HOOK1: variants seen among roughly 807,000 people sequenced by gnomAD.
HOOK1 encodes the protein hook microtubule tethering protein 1.
HOOK1 carries 60 observed loss-of-function variants against 112.8 expected under a neutral mutation model. That is an observed-to-expected ratio of 0.53 (90% CI 0.43 to 0.66). The LOEUF (loss-of-function observed/expected upper bound fraction) is 0.66. HOOK1 is among the 30% of genes least tolerant of loss of function. The pLI is 0.00. For missense variants in HOOK1, 770 were observed against 856.0 expected (o/e 0.90, Z 1.25); for synonymous variants, 294 against 283.8 (o/e 1.04, Z -0.36).
At position 59,873,765 on chromosome 1, in the gene HOOK1, A is replaced by ATATATATATG. The variant is rs1553465916; in HGVS notation, c.*800_*801insTATATATATG. The ATATATATATG allele has an allele frequency of 1.6e-5, 2 of 122,992 alleles. No homozygotes were observed. The highest frequency in any genetic ancestry group is 3.5e-5 in the Non-Finnish European group (2 of 57,162). The allele number at this position is 122,992 out of a possible 1,614,324, so 7.6% of individuals were successfully genotyped here. A position where few individuals can be genotyped will look rare whatever the true frequency, so the allele number is the denominator to read the frequency against. ...TATATATATATATATATATATATATACTTTTTGTGAAATGTCTATATACTT... is the reference window on the plus strand; with the variant it reads ...TATATATATATATATATATATATATATATATATATGCTTTTTGTGAAATGTCTATATACTT... On this transcript the variant is annotated 3_prime_UTR_variant, in exon 22 of 22. Coordinates refer to ENST00000371208, the MANE Select transcript of HOOK1 (RefSeq NM_015888.6).
intron 7 of HOOK1, among the ~76,000 whole-genome samples, chr1:59,839,175 A>C (rs527612305): frequency 6.6e-6 from 1 of 152,204 alleles, no homozygotes; most frequent in African/African-American, 2.4e-5. Context: ...TGCCTTGGCT[A>C]TGCGGGCTCT....
intron 18 of HOOK1, among the ~76,000 whole-genome samples, chr1:59,865,520 C>T (rs1321921096): frequency 6.6e-6 from 1 of 152,022 alleles, no homozygotes; most frequent in Admixed American, 6.6e-5. Flanking sequence ...GATTTCAAAT[C>T]AGATTGATAT....
intron 1 of HOOK1, among the ~76,000 whole-genome samples, chr1:59,818,787 T>C (rs12120463): frequency 0.23 from 34,361 of 152,102 alleles, 4,095 homozygotes; most frequent in Non-Finnish European, 0.25. Context: ...TCTTAAAACT[T>C]AAAGCAATGG....
rs759197914 is a variant in HOOK1 at position 59,858,399 on chromosome 1, A to C, written c.1243-29A>C. 8 of 1,320,934 alleles carry C rather than the reference A, an allele frequency of 6.1e-6. No individual in the cohort carries two copies. In the East Asian group the frequency reaches 1.8e-4, roughly 30 times the overall value. The allele number at this position is 1,320,934 out of a possible 1,614,324, so 81.8% of individuals were successfully genotyped here. On this transcript the variant is annotated intron_variant, in intron 12 of 21. Transcript: ENST00000371208. ...ACATTGTTTATAGGCAGAATTAAAT[A>C]CTTTGCTGATATCAACAATTCTTTT...
chr1:59,841,515 C>T (rs1477373889), intron 8 of HOOK1, among the ~76,000 whole-genome samples: 1 of 152,144 alleles, frequency 6.6e-6, no homozygotes, highest in Non-Finnish European at 1.5e-5. Context: ...AACCAGTCCT[C>T]TGTATTTGAA....
At chr1:59,871,519 A>T (rs1052500739) in intron 21 of HOOK1, among the ~76,000 whole-genome samples, 1 of 152,184 alleles carries the variant, frequency 6.6e-6, no homozygotes, top group Non-Finnish European at 1.5e-5. Flanking sequence ...AACATCCTCT[A>T]AAGCCTCAGT....
chr1:59,872,797 T>C lies in HOOK1; in HGVS notation c.2019T>C (p.Ser673=). 7.1e-7 allele frequency: 1 copy of C among 1,398,972 alleles called. No individual in the cohort carries two copies. The allele number at this position is 1,398,972 out of a possible 1,614,324, so 86.7% of individuals were successfully genotyped here. Reference sequence around the variant, plus strand: ...AAATATATGTTTTTTTTTTTCAGAGTCTAGCATTCCAGAAACTGGGGATGG... The same window carrying C: ...AAATATATGTTTTTTTTTTTCAGAGCCTAGCATTCCAGAAACTGGGGATGG... ...KLIVSAWYNK[S]LAFQKLGMES... Residue 673 remains serine (S), a splice_region_variant and synonymous_variant, in exon 22 of 22, where the codon AGT becomes AGC. Transcript: ENST00000371208.
chr1:59,824,298 A>G (rs1306167058), intron 2 of HOOK1, among the ~76,000 whole-genome samples: 8 of 151,058 alleles, frequency 5.3e-5, no homozygotes, highest in African/African-American at 2.0e-4. Flanking sequence ...ACCTCCGCCT[A>G]CCGGGTTCAA....
At chr1:59,866,330 C>T (rs1201936386) in intron 19 of HOOK1, among the ~76,000 whole-genome samples, 1 of 152,142 alleles carries the variant, frequency 6.6e-6, no homozygotes, top group Non-Finnish European at 1.5e-5. Context: ...TTTCTAGAAA[C>T]AGCAAAATGG....
intron 6 of HOOK1, among the ~76,000 whole-genome samples, chr1:59,836,474 G>A (rs766823965): frequency 2.0e-5 from 3 of 151,826 alleles, no homozygotes; most frequent in East Asian, 1.9e-4. Context: ...TCATATAATC[G>A]TAACTCCTAC....
chr1:59,830,292 C>G (rs2098392872), intron 3 of HOOK1, among the ~76,000 whole-genome samples: 2 of 151,968 alleles, frequency 1.3e-5, no homozygotes, highest in African/African-American at 4.8e-5. Flanking sequence ...GTAGAGAGCC[C>G]TTAAATCTCT....
intron 12 of HOOK1, among the ~76,000 whole-genome samples, chr1:59,854,457 G>A (rs148238543): frequency 2.6e-4 from 39 of 151,334 alleles, no homozygotes; most frequent in African/African-American, 9.0e-4. Context: ...ACTCCTTTTA[G>A]TATTTTTCTA....
intron 3 of HOOK1, among the ~76,000 whole-genome samples, chr1:59,830,670 C>T (rs1182854108): frequency 1.3e-5 from 2 of 151,940 alleles, no homozygotes; most frequent in African/African-American, 4.8e-5. Context: ...TTGTAAAAAA[C>T]CTTCTATTTC....
At chr1:59,866,000 G>C in intron 19 of HOOK1, 28 bp downstream of exon 19, 1 of 1,264,292 alleles carries the variant, frequency 7.9e-7, no homozygotes, top group African/African-American at 1.5e-5. Flanking sequence ...CGGAGCTCAA[G>C]ACTTTGTGGC....
intron 20 of HOOK1, 110 bp from the exon 21 acceptor site, chr1:59,870,932 A>G: frequency 1.4e-6 from 1 of 718,344 alleles, no homozygotes; most frequent in Non-Finnish European, 2.4e-6. Flanking sequence ...GTGCCTCACA[A>G]GTGCAATCTT....
rs527652327 is a variant in HOOK1 at position 59,840,396 on chromosome 1, G to A, written c.621+5G>A. The A allele has an allele frequency of 3.6e-5, 56 of 1,541,430 alleles. No homozygotes were observed. The Middle Eastern group carries it at 5.2e-4, about 14-fold the overall frequency. The stretch of plus-strand genomic sequence containing the variant: ...TGTGAAGAATTGGATATGCAGGTAC[G>A]GGAAAAAACCCTGAGCTGAGAAAAA... On this transcript the variant is annotated splice_donor_5th_base_variant and intron_variant, in intron 8 of 21. Coordinates refer to ENST00000371208, the MANE Select transcript of HOOK1 (RefSeq NM_015888.6).
intron 19 of HOOK1, among the ~76,000 whole-genome samples, chr1:59,867,619 A>G (rs1643989376): frequency 6.6e-6 from 1 of 152,202 alleles, no homozygotes. Context: ...GTTTTCTAAC[A>G]GATTGCTATC....
intron 19 of HOOK1, 29 bp from the exon 20 acceptor site, chr1:59,868,221 G>C (rs774672776): frequency 1.0e-5 from 12 of 1,150,280 alleles, no homozygotes; most frequent in Non-Finnish European, 1.3e-5. Flanking sequence ...AAAATATAAA[G>C]TGAACATAGT....
chr1:59,815,084 G>C lies in HOOK1; in HGVS notation c.-34G>C. 6.5e-7 allele frequency: 1 copy of C among 1,536,266 alleles called. No homozygotes were observed. The highest frequency in any genetic ancestry group is 8.7e-7 in the Non-Finnish European group (1 of 1,145,078). ...GAGAGCCGGTAGGAGGGAGTGTGAA[G>C]GTGTCCGCGGCGTCGTCGACGGCGG... On this transcript the variant is annotated 5_prime_UTR_variant, in exon 1 of 22. Transcript: ENST00000371208.
Sources: gnomAD v4.1 joint callset for allele counts (sites outside exome capture counted in the v4.1 genomes callset) on GRCh38, gnomAD v4.1.1 for gene constraint, MANE v1.5 for transcripts, NCBI Gene and HGNC (gene_info 2026-07-23, HGNC 2026-07-21) for gene names.